The following KCNMB2 variants were observed in gnomAD, a reference collection of about 807,000 sequenced individuals.
KCNMB2 encodes calcium-activated potassium channel subunit beta-2.
Under a neutral mutation model 24.5 loss-of-function variants are expected in KCNMB2, and 9 were observed. The ratio of observed to expected loss-of-function variants is 0.37; its 90% CI spans 0.22 to 0.64. The LOEUF is 0.64. Ranked by LOEUF, KCNMB2 falls within the 30% of genes least tolerant of loss-of-function variation. The probability of loss-of-function intolerance (pLI) is 0.63; values close to 1 mark genes in which losing one functional copy is unlikely to be tolerated. For synonymous variants in KCNMB2, 109 were observed against 104.4 expected (o/e 1.04, Z -0.27); for missense variants, 226 against 284.3 (o/e 0.79, Z 1.47).
intron 1 of KCNMB2, among the ~76,000 whole-genome samples, chr3:178,587,581 A>G (rs57033175): frequency 0.031 from 4,508 of 144,394 alleles, 233 homozygotes; most frequent in African/African-American, 0.11. Context: ...GTGCCGCCAC[A>G]CCCGGCTAAT....
At chr3:178,770,503 C>T (rs915489654) in intron 1 of KCNMB2, among the ~76,000 whole-genome samples, 1 of 152,154 alleles carries the variant, frequency 6.6e-6, no homozygotes, top group South Asian at 2.1e-4. Flanking sequence ...CAGGACCTAG[C>T]GGTGTTTTCA....
At chr3:178,644,419 A>G (rs1719839998) in intron 1 of KCNMB2, among the ~76,000 whole-genome samples, 1 of 152,190 alleles carries the variant, frequency 6.6e-6, no homozygotes, top group Non-Finnish European at 1.5e-5. Flanking sequence ...GCGCCATGTG[A>G]TAAGTATCAT....
At chr3:178,597,388 G>T (rs1202737953) in intron 1 of KCNMB2, among the ~76,000 whole-genome samples, 1 of 152,106 alleles carries the variant, frequency 6.6e-6, no homozygotes, top group Non-Finnish European at 1.5e-5. Flanking sequence ...AGGAGAAAGT[G>T]ACCCATAGGA....
intron 4 of KCNMB2, among the ~76,000 whole-genome samples, chr3:178,834,921 G>A (rs1284718188): frequency 6.6e-6 from 1 of 151,872 alleles, no homozygotes; most frequent in Non-Finnish European, 1.5e-5. Flanking sequence ...AGCGGGGGAA[G>A]GAACCTAGTG....
intron 1 of KCNMB2, among the ~76,000 whole-genome samples, chr3:178,614,247 TTATATATATATA>T (rs776751246): frequency 0.031 from 1,664 of 53,450 alleles, 80 homozygotes; most frequent in Admixed American, 0.073. Context: ...TGGGCTAATT[TTATATATATATA>T]TATATATATA....
At chr3:178,555,033 C>T (rs1355036641) in intron 1 of KCNMB2, among the ~76,000 whole-genome samples, 1 of 152,098 alleles carries the variant, frequency 6.6e-6, no homozygotes, top group Non-Finnish European at 1.5e-5. Flanking sequence ...AAAGTTGATG[C>T]CTTCAGGATG....
At chr3:178,684,788 G>A (rs183323321) in intron 1 of KCNMB2, among the ~76,000 whole-genome samples, 30 of 152,220 alleles carry the variant, frequency 2.0e-4, no homozygotes, top group Non-Finnish European at 3.1e-4. Context: ...CCGAGATCGC[G>A]CCATTGCACT....
At chr3:178,720,166 T>A (rs1210398474) in intron 1 of KCNMB2, among the ~76,000 whole-genome samples, 1 of 152,088 alleles carries the variant, frequency 6.6e-6, no homozygotes, top group Non-Finnish European at 1.5e-5. Flanking sequence ...GAGTGTGATG[T>A]TCCCCTTCCT....
At chr3:178,830,066 C>A (rs188521957) in intron 4 of KCNMB2, among the ~76,000 whole-genome samples, 1 of 152,256 alleles carries the variant, frequency 6.6e-6, no homozygotes, top group Admixed American at 6.5e-5. Flanking sequence ...ACAGGCTCTG[C>A]CTCCACCAAA....
At chr3:178,791,173 T>C (rs1713308810) in intron 1 of KCNMB2, among the ~76,000 whole-genome samples, 1 of 152,230 alleles carries the variant, frequency 6.6e-6, no homozygotes, top group Admixed American at 6.5e-5. Context: ...ATATGTGACC[T>C]TTCAGACAGA....
chr3:178,608,086 G>C (rs2108513277), intron 1 of KCNMB2, among the ~76,000 whole-genome samples: 1 of 152,278 alleles, frequency 6.6e-6, no homozygotes, highest in South Asian at 2.1e-4. Flanking sequence ...ACAGGATAGA[G>C]AGACTTTGAA....
chr3:178,838,781 C>G (rs1715324272), intron 4 of KCNMB2, among the ~76,000 whole-genome samples: 2 of 152,160 alleles, frequency 1.3e-5, no homozygotes, highest in South Asian at 4.1e-4. Context: ...TTATCTGTGT[C>G]TCTGCATATA....
chr3:178,658,529 T>A (rs1720420166), intron 1 of KCNMB2, among the ~76,000 whole-genome samples: 1 of 152,236 alleles, frequency 6.6e-6, no homozygotes, highest in Non-Finnish European at 1.5e-5. Flanking sequence ...ACCCCTGCAC[T>A]GATCCCTCTC....
chr3:178,561,185 A>G, intron 1 of KCNMB2, among the ~76,000 whole-genome samples: 1 of 152,204 alleles, frequency 6.6e-6, no homozygotes, highest in East Asian at 1.9e-4. Context: ...TTTTAGTCAT[A>G]AGGATAATGT....
intron 1 of KCNMB2, among the ~76,000 whole-genome samples, chr3:178,709,985 C>A (rs1056706319): frequency 3.9e-5 from 6 of 152,094 alleles, no homozygotes; most frequent in African/African-American, 1.4e-4. Flanking sequence ...GCAATTTATA[C>A]CGAGCACTTA....
intron 1 of KCNMB2, among the ~76,000 whole-genome samples, chr3:178,788,815 C>A (rs975546288): frequency 6.6e-6 from 1 of 152,028 alleles, no homozygotes; most frequent in Non-Finnish European, 1.5e-5. Context: ...TTAAAGACAC[C>A]CATCCACACT....
chr3:178,665,971 T>C (rs970576561), intron 1 of KCNMB2, among the ~76,000 whole-genome samples: 5 of 152,150 alleles, frequency 3.3e-5, no homozygotes, highest in African/African-American at 1.2e-4. Context: ...CTCCAGCTAA[T>C]GCTGATAAGT....
intron 1 of KCNMB2, among the ~76,000 whole-genome samples, chr3:178,758,416 A>ATATATATATATATCTC (rs1724300866): frequency 4.3e-5 from 1 of 23,202 alleles, no homozygotes; most frequent in Non-Finnish European, 7.3e-5. Context: ...ATATATATAT[A>ATATATATATATATCTC]TCCAAGAGGG....
intron 1 of KCNMB2, among the ~76,000 whole-genome samples, chr3:178,680,768 C>G (rs1577092838): frequency 6.6e-6 from 1 of 152,138 alleles, no homozygotes; most frequent in African/African-American, 2.4e-5. Context: ...TTTTGTCTTC[C>G]TATCTTCTCT....
Sources: allele counts gnomAD v4.1 joint callset (sites outside exome capture counted in the v4.1 genomes callset), GRCh38; gene constraint gnomAD v4.1.1; transcripts MANE v1.5; gene names NCBI Gene and HGNC (gene_info 2026-07-23, HGNC 2026-07-21).